The following CHRNA9 variants were observed in gnomAD, a reference collection of about 807,000 sequenced individuals.
The protein encoded by CHRNA9 is neuronal acetylcholine receptor subunit alpha-9.
In CHRNA9, 24 loss-of-function variants were observed where a neutral mutation model predicts 36.8. The ratio of observed to expected loss-of-function variants is 0.65; its 90% CI spans 0.47 to 0.92. The LOEUF is 0.92. Among genes scored for constraint, CHRNA9 ranks in the 40% least tolerant of loss-of-function variants. The pLI, the probability that CHRNA9 is intolerant of heterozygous loss-of-function variation, is 0.00. For synonymous variants in CHRNA9, 231 were observed against 231.8 expected (o/e 1.00, Z 0.03); for missense variants, 610 against 601.2 (o/e 1.01, Z -0.15).
chr4:40,344,259 G>A (rs1193997542), intron 3 of CHRNA9, among the ~76,000 whole-genome samples: 2 of 152,200 alleles, frequency 1.3e-5, no homozygotes, highest in Non-Finnish European at 1.5e-5. Flanking sequence ...GGCTGGGCAC[G>A]GTGGCTCGTG....
chr4:40,344,788 C>T (rs1309352455), intron 3 of CHRNA9, among the ~76,000 whole-genome samples: 1 of 152,022 alleles, frequency 6.6e-6, no homozygotes, highest in East Asian at 1.9e-4. Context: ...CCTCAAGGAA[C>T]AATCTAATAA....
chr4:40,346,540 T>C (rs1435636063), intron 3 of CHRNA9, among the ~76,000 whole-genome samples: 1 of 152,198 alleles, frequency 6.6e-6, no homozygotes, highest in African/African-American at 2.4e-5. Context: ...TGAGCAGTGT[T>C]CTCAGTTCAC....
At chr4:40,335,738 T>G in intron 1 of CHRNA9, 89 bp from the exon 2 acceptor site, 1 of 1,321,378 alleles carries the variant, frequency 7.6e-7, no homozygotes, top group East Asian at 2.3e-5. Context: ...TGTTGGGCCA[T>G]CCCCCATTTT....
At chr4:40,339,676 A>T (rs1214191868) in intron 3 of CHRNA9, among the ~76,000 whole-genome samples, 1 of 148,692 alleles carries the variant, frequency 6.7e-6, no homozygotes, top group Non-Finnish European at 1.5e-5. Context: ...AAAAAAAAAA[A>T]AAAAAGGCGG....
Position 40,354,624 on chromosome 4 carries a change from T to C in CHRNA9, c.*104T>C, listed in dbSNP as rs1712908760. On this transcript the variant is annotated 3_prime_UTR_variant, in exon 5 of 5. Coordinates refer to ENST00000310169, the MANE Select transcript of CHRNA9 (RefSeq NM_017581.4). ...TTGTTCATCTATAATTTAGGGGTTA[T>C]GTTGTCTGTGCTTTTTATTTTTAGC... 1 of 946,418 alleles carries C rather than the reference T, an allele frequency of 1.1e-6. No homozygotes were observed. 58.6% of individuals were successfully genotyped at this position (946,418 alleles called of 1,614,324 possible). A position where few individuals can be genotyped will look rare whatever the true frequency, so the allele number is the denominator to read the frequency against.
At chr4:40,336,827 T>C (rs959667096) in intron 2 of CHRNA9, among the ~76,000 whole-genome samples, 1 of 152,226 alleles carries the variant, frequency 6.6e-6, no homozygotes, top group Non-Finnish European at 1.5e-5. Context: ...GCATAGCTTA[T>C]TAGTGCTTAT....
chr4:40,341,362 G>T (rs2109680734), intron 3 of CHRNA9, among the ~76,000 whole-genome samples: 1 of 151,852 alleles, frequency 6.6e-6, no homozygotes, highest in African/African-American at 2.4e-5. Flanking sequence ...GTAGCTTACT[G>T]CAGCCTTGAC....
intron 3 of CHRNA9, among the ~76,000 whole-genome samples, chr4:40,347,610 T>A (rs1276673454): frequency 6.6e-6 from 1 of 152,198 alleles, no homozygotes; most frequent in Non-Finnish European, 1.5e-5. Context: ...AATTTTTAGA[T>A]TTATAGAAAA....
chr4:40,337,548 G>C, intron 3 of CHRNA9, among the ~76,000 whole-genome samples, 184 bp downstream of exon 3: 1 of 152,232 alleles, frequency 6.6e-6, no homozygotes. Context: ...TAAAAGCTTA[G>C]AGCTGGAAAG....
chr4:40,344,542 A>AT (rs1417357826), intron 3 of CHRNA9, among the ~76,000 whole-genome samples: 1 of 152,004 alleles, frequency 6.6e-6, no homozygotes, highest in African/African-American at 2.4e-5. Flanking sequence ...TCAAGAAAAA[A>AT]AAAAAAAGAC....
At chr4:40,351,754 T>C (rs1365281700) in intron 4 of CHRNA9, among the ~76,000 whole-genome samples, 2 of 152,222 alleles carry the variant, frequency 1.3e-5, no homozygotes, top group Non-Finnish European at 2.9e-5. Context: ...TGAGTTTTCT[T>C]TTACTCGTCA....
rs550704840 is a variant in CHRNA9 at position 40,348,917 on chromosome 4, A to G, written c.401A>G (p.Asn134Ser). 6.2e-7 allele frequency: 1 copy of G among 1,614,010 alleles called. No homozygotes were observed. Among genetic ancestry groups the G allele is most frequent in the Admixed American group, 1.7e-5 (1 of 60,006 alleles). ...DDESSEPVNTNVVLRYDGLIT... is the reference protein window; with the variant it reads ...DDESSEPVNTSVVLRYDGLIT... ...GAATCTTCAGAGCCTGTGAACACCA[A>G]TGTGGTCCTGCGGTATGATGGGCTG... The change falls in exon 4 of 5, where the codon AAT (asparagine) becomes AGT (serine). Residue 134 changes from asparagine (N) to serine (S), a missense_variant. Coordinates refer to ENST00000310169, the MANE Select transcript of CHRNA9 (RefSeq NM_017581.4).
At chr4:40,353,838 A>T in intron 4 of CHRNA9, 141 bp from the exon 5 acceptor site, 1 of 741,320 alleles carries the variant, frequency 1.3e-6, no homozygotes, top group Non-Finnish European at 2.2e-6. Context: ...GTGTACATAC[A>T]CTCTTATGAT....
Position 40,349,397 on chromosome 4 carries a change from A to G in CHRNA9, c.881A>G (p.Glu294Gly). The change falls in exon 4 of 5, where the codon GAA becomes GGA. Residue 294 changes from glutamate (E) to glycine (G), a missense_variant. Physicochemically the swap from Glu to Gly is moderately conservative, Grantham distance 98. Transcript: ENST00000310169. ...GTGGCAGAAATCATGCCGGCCTCAG[A>G]AAATGTGCCCCTGATAGGTGAGTCC... ...LMVAEIMPAS[E>G]NVPLIGKYYI... The G allele has an allele frequency of 6.2e-7, 1 of 1,613,346 alleles. No individual in the cohort carries two copies. Among genetic ancestry groups the G allele is most frequent in the Non-Finnish European group, 8.5e-7 (1 of 1,179,568 alleles).
rs1395200390 is a variant in CHRNA9 at position 40,336,102 on chromosome 4, G to A, written c.210+130G>A. 4 of 761,492 alleles carry A rather than the reference G, an allele frequency of 5.3e-6. No individual in the cohort carries two copies. In the African/African-American group the frequency reaches 7.0e-5, roughly 13 times the overall value. 47.2% of individuals were successfully genotyped at this position (761,492 alleles called of 1,614,324 possible). On this transcript the variant is annotated intron_variant, in intron 2 of 4. Transcript: ENST00000310169. ...CTCCTTAAGCAAGCTGGTGGGAGAA[G>A]AGAATGTCGGGAAAAGGAAGCTTTC... is the stretch of plus-strand genomic sequence containing the variant.
intron 3 of CHRNA9, among the ~76,000 whole-genome samples, chr4:40,340,242 C>G (rs1343882201): frequency 6.6e-6 from 1 of 152,114 alleles, no homozygotes; most frequent in Non-Finnish European, 1.5e-5. Flanking sequence ...GAGCCTTTCA[C>G]CACACTGATT....
chr4:40,335,589 G>A, intron 1 of CHRNA9, 58 bp downstream of exon 1: 1 of 1,372,228 alleles, frequency 7.3e-7, no homozygotes, highest in Non-Finnish European at 1.0e-6. Flanking sequence ...TGCTTTGGTG[G>A]GAGGTGGGGC....
chr4:40,341,227 C>T (rs1433794811), intron 3 of CHRNA9, among the ~76,000 whole-genome samples: 1 of 151,172 alleles, frequency 6.6e-6, no homozygotes, highest in Non-Finnish European at 1.5e-5. Context: ...ATGCAGATTA[C>T]AGAAATTTTA....
chr4:40,350,722 A>ACACACACACCCACACACC (rs1215274776), intron 4 of CHRNA9, among the ~76,000 whole-genome samples: 2 of 151,362 alleles, frequency 1.3e-5, no homozygotes, highest in African/African-American at 4.9e-5. Context: ...ACACACACAC[A>ACACACACACCCACACACC]CACACCTCTC....
Sources: gnomAD v4.1 joint callset for allele counts (sites outside exome capture counted in the v4.1 genomes callset) on GRCh38, gnomAD v4.1.1 for gene constraint, MANE v1.5 for transcripts, NCBI Gene and HGNC (gene_info 2026-07-23, HGNC 2026-07-21) for gene names.